PCDHA4: variants seen among roughly 807,000 people sequenced by gnomAD.
The protein encoded by PCDHA4 is protocadherin alpha-4.
PCDHA4 carries 49 observed loss-of-function variants against 61.4 expected under a neutral mutation model. The ratio of observed to expected loss-of-function variants is 0.80; its 90% CI spans 0.63 to 1.01. The LOEUF is 1.01. Ranked by LOEUF, PCDHA4 falls within the 50% of genes least tolerant of loss-of-function variation. PCDHA4 has a pLI of 0.00. For synonymous variants in PCDHA4, 590 were observed against 550.3 expected (o/e 1.07, Z -1.01); for missense variants, 1,254 against 1,235.8 (o/e 1.01, Z -0.22).
At chr5:140,936,571 C>G (rs2153629502) in intron 1 of PCDHA4, among the ~76,000 whole-genome samples, 1 of 152,342 alleles carries the variant, frequency 6.6e-6, no homozygotes, top group African/African-American at 2.4e-5. Flanking sequence ...ATATTTTCCA[C>G]TTGTAAATCC....
At position 140,853,506 on chromosome 5, in the gene PCDHA4, A is replaced by G. The variant is rs1198826408; in HGVS notation, c.2385+43934A>G. On this transcript the variant is annotated intron_variant, in intron 1 of 3. Transcript: ENST00000530339. ...TCAATTCAAGTTAGAATCATGAAAC[A>G]ATAATGAAGCTCCTCCTATGTCTCT... The G allele has an allele frequency of 4.1e-6, 4 of 977,436 alleles. 1 individual carries two copies. The African/African-American group carries it at 7.1e-5, about 17-fold the overall frequency. The allele number at this position is 977,436 out of a possible 1,614,324, so 60.5% of individuals were successfully genotyped here. A position where few individuals can be genotyped will look rare whatever the true frequency, so the allele number is the denominator to read the frequency against.
intron 1 of PCDHA4, among the ~76,000 whole-genome samples, chr5:140,934,420 C>T (rs559621314): frequency 1.1e-4 from 16 of 152,184 alleles, no homozygotes; most frequent in Non-Finnish European, 1.8e-4. Flanking sequence ...TTTGCATTAT[C>T]AATGCAAGTG....
At chr5:140,901,539 A>G (rs192107124) in intron 1 of PCDHA4, among the ~76,000 whole-genome samples, 2 of 152,070 alleles carry the variant, frequency 1.3e-5, no homozygotes, top group East Asian at 1.9e-4. Context: ...TTGGTTCTCT[A>G]TTCTGTTCCA....
At chr5:141,005,467 GC>G (rs1463928635) in intron 3 of PCDHA4, among the ~76,000 whole-genome samples, 1 of 151,982 alleles carries the variant, frequency 6.6e-6, no homozygotes, top group Non-Finnish European at 1.5e-5. Context: ...ACTTTGGGAG[GC>G]CGAGACGGGC....
At chr5:140,960,303 C>G (rs2095539243) in intron 1 of PCDHA4, among the ~76,000 whole-genome samples, 1 of 152,132 alleles carries the variant, frequency 6.6e-6, no homozygotes, top group African/African-American at 2.4e-5. Context: ...TTCATCAATA[C>G]CAACCTCATT....
At chr5:140,957,023 G>C (rs1360382480) in intron 1 of PCDHA4, among the ~76,000 whole-genome samples, 2 of 152,100 alleles carry the variant, frequency 1.3e-5, no homozygotes, top group Non-Finnish European at 2.9e-5. Flanking sequence ...TGAGCATTTA[G>C]ATATTTATGG....
intron 1 of PCDHA4, chr5:140,967,005 A>G: frequency 1.2e-6 from 2 of 1,605,512 alleles, no homozygotes; most frequent in African/African-American, 1.3e-5. Flanking sequence ...TTGCGCATCA[A>G]CCATCTGGGT....
At chr5:140,996,308 A>G (rs997099218) in intron 3 of PCDHA4, among the ~76,000 whole-genome samples, 4 of 152,240 alleles carry the variant, frequency 2.6e-5, no homozygotes, top group African/African-American at 9.6e-5. Flanking sequence ...GTAACAAAGT[A>G]AGGGGGGAGG....
chr5:140,862,637 TCA>T (rs1396343286), intron 1 of PCDHA4: 1 of 539,612 alleles, frequency 1.9e-6, no homozygotes, highest in Admixed American at 1.9e-5. Flanking sequence ...TGCCACGACT[TCA>T]CAGTGTCCGC....
intron 1 of PCDHA4, among the ~76,000 whole-genome samples, chr5:140,821,043 A>C (rs1264059753): frequency 6.6e-6 from 1 of 152,096 alleles, no homozygotes; most frequent in East Asian, 1.9e-4. Context: ...GAAGAAACTC[A>C]GGTAAGAATG....
intron 1 of PCDHA4, chr5:140,843,007 G>T (rs2150349965): frequency 6.3e-7 from 1 of 1,594,864 alleles, no homozygotes; most frequent in African/African-American, 1.3e-5. Flanking sequence ...ATGACAACGC[G>T]CCGGCACTGC....
chr5:140,899,981 G>T (rs929559514), intron 1 of PCDHA4, among the ~76,000 whole-genome samples: 3 of 151,734 alleles, frequency 2.0e-5, no homozygotes, highest in African/African-American at 7.3e-5. Flanking sequence ...CTACTTTTTT[G>T]ATTTTTTTTG....
intron 1 of PCDHA4, among the ~76,000 whole-genome samples, chr5:140,978,710 A>G (rs576055391): frequency 1.3e-5 from 2 of 152,378 alleles, no homozygotes; most frequent in East Asian, 3.9e-4. Flanking sequence ...GGTGGCCTTT[A>G]CAAGATTATT....
chr5:140,957,597 A>G (rs1036559943), intron 1 of PCDHA4, among the ~76,000 whole-genome samples: 4 of 152,168 alleles, frequency 2.6e-5, no homozygotes, highest in Non-Finnish European at 5.9e-5. Context: ...ACTTCCCAGA[A>G]TAAACACACA....
At chr5:140,880,944 G>A (rs1256173059) in intron 1 of PCDHA4, among the ~76,000 whole-genome samples, 2 of 152,198 alleles carry the variant, frequency 1.3e-5, no homozygotes, top group African/African-American at 4.8e-5. Context: ...AATGGAGCAG[G>A]AGAGGATGAT....
intron 1 of PCDHA4, among the ~76,000 whole-genome samples, chr5:140,953,811 A>T (rs782282216): frequency 3.3e-5 from 5 of 152,074 alleles, no homozygotes; most frequent in Non-Finnish European, 5.9e-5. Context: ...TCTGAGGTGC[A>T]TGTGCTAGTT....
At chr5:140,971,510 A>G (rs1166115283) in intron 1 of PCDHA4, among the ~76,000 whole-genome samples, 3 of 152,152 alleles carry the variant, frequency 2.0e-5, no homozygotes, top group Non-Finnish European at 2.9e-5. Flanking sequence ...TAGGAGCAAA[A>G]GCCACTCAGT....
At chr5:140,870,715 G>C in intron 1 of PCDHA4, 1 of 1,613,128 alleles carries the variant, frequency 6.2e-7, no homozygotes, top group Non-Finnish European at 8.5e-7. Context: ...GAGCGCGCGC[G>C]ATGCGGGCGT....
chr5:140,922,409 C>A (rs1335922543), intron 1 of PCDHA4, among the ~76,000 whole-genome samples: 2 of 152,154 alleles, frequency 1.3e-5, no homozygotes, highest in Non-Finnish European at 2.9e-5. Context: ...TTAAAAAGAT[C>A]TAGGTACAGA....
Sources: gnomAD v4.1 joint callset for allele counts (sites outside exome capture counted in the v4.1 genomes callset) on GRCh38, gnomAD v4.1.1 for gene constraint, MANE v1.5 for transcripts, NCBI Gene and HGNC (gene_info 2026-07-23, HGNC 2026-07-21) for gene names.